The following CLSPN variants were observed in gnomAD, a reference collection of about 807,000 sequenced individuals.
CLSPN encodes the protein claspin.
In CLSPN, 85 loss-of-function variants were observed where a neutral mutation model predicts 156.3. That is an observed-to-expected ratio of 0.54 (90% CI 0.46 to 0.65). The LOEUF is 0.65. Ranked by LOEUF, CLSPN falls within the 30% of genes least tolerant of loss-of-function variation. The probability of loss-of-function intolerance (pLI) is 0.00; values close to 1 mark genes in which losing one functional copy is unlikely to be tolerated. For missense variants in CLSPN, 1,407 were observed against 1,554.9 expected (o/e 0.90, Z 1.60); for synonymous variants, 534 against 542.4 (o/e 0.98, Z 0.22).
At position 35,762,643 on chromosome 1, in the gene CLSPN, GA is replaced by G. The variant is rs534150870; in HGVS notation, c.745-163del. Among the ~76,000 whole-genome samples, 807 of 152,144 alleles carry G rather than the reference GA, an allele frequency of 5.3e-3. 3 individuals carry two copies. The highest frequency in any genetic ancestry group is 6.5e-3 in the Non-Finnish European group (442 of 68,000). On this transcript the variant is annotated intron_variant, in intron 4 of 24. Transcript: ENST00000318121. ...AACACACAGCATCCTATTATGCTTA[GA>G]AAACAGATACCTCAGATGGAGTCTG...
chr1:35,743,918 A>C (rs1202982564), intron 16 of CLSPN, among the ~76,000 whole-genome samples: 1 of 152,220 alleles, frequency 6.6e-6, no homozygotes, highest in Non-Finnish European at 1.5e-5. Flanking sequence ...CACCTCGCCC[A>C]GCCAAATTTA....
At chr1:35,750,636 A>G (rs1024640881) in intron 10 of CLSPN, among the ~76,000 whole-genome samples, 3 of 151,862 alleles carry the variant, frequency 2.0e-5, no homozygotes, top group Admixed American at 6.6e-5. Flanking sequence ...CAGGTGATCC[A>G]CCTACCTCAG....
downstream of CLSPN, among the ~76,000 whole-genome samples, chr1:35,730,341 C>T (rs190631279): frequency 6.6e-6 from 1 of 151,760 alleles, no homozygotes; most frequent in East Asian, 2.0e-4. Context: ...GTCAGGAGTT[C>T]GAGATCAGCC....
intron 18 of CLSPN, among the ~76,000 whole-genome samples, chr1:35,741,536 G>A (rs535585824): frequency 1.7e-4 from 26 of 152,182 alleles, no homozygotes; most frequent in South Asian, 8.3e-4. Context: ...GGCTGGTCTC[G>A]AACTCCTGAC....
intron 22 of CLSPN, chr1:35,737,626 A>G: frequency 3.7e-6 from 2 of 538,136 alleles, no homozygotes; most frequent in South Asian, 2.7e-5. Flanking sequence ...TAAGAAAAAC[A>G]GAAGTGGTCA....
Position 35,749,707 on chromosome 1 carries a change from G to C in CLSPN, c.2133C>G (p.Gly711=). ...AGAGAGACTTGGGAACAGAGAGGAA[G>C]CCAACTGCCTTGCCAATTTCACTAC... ...DGSSEIGKAV[G]FLSVPKSLSS... is the part of the protein sequence containing the mutation. The change falls in exon 11 of 25, where the codon GGC becomes GGG. Residue 711 remains glycine (G), a synonymous_variant. Coordinates refer to ENST00000318121, the MANE Select transcript of CLSPN (RefSeq NM_022111.4). The C allele has an allele frequency of 6.2e-7, 1 of 1,614,132 alleles. No individual in the cohort carries two copies. The highest frequency in any genetic ancestry group is 8.5e-7 in the Non-Finnish European group (1 of 1,180,004).
At chr1:35,738,662 A>T in intron 20 of CLSPN, 80 bp from the exon 21 acceptor site, 2 of 1,396,168 alleles carry the variant, frequency 1.4e-6, no homozygotes, top group Non-Finnish European at 2.0e-6. Flanking sequence ...ATAAACCCTT[A>T]TCATTTACTA....
chr1:35,768,464 G>A (rs1277922681), intron 1 of CLSPN, among the ~76,000 whole-genome samples: 1 of 151,210 alleles, frequency 6.6e-6, no homozygotes, highest in Admixed American at 6.6e-5. Flanking sequence ...CTGGAGTGCA[G>A]TGGCAGGATC....
At chr1:35,759,016 T>C (rs1642386994) in intron 8 of CLSPN, among the ~76,000 whole-genome samples, 1 of 152,210 alleles carries the variant, frequency 6.6e-6, no homozygotes, top group Middle Eastern at 3.2e-3. Flanking sequence ...TAGTTCAGAT[T>C]CAAATCCTGG....
At position 35,760,746 on chromosome 1, in the gene CLSPN, C is replaced by T. The variant is rs776385344; in HGVS notation, c.1175G>A (p.Gly392Glu). The change falls in exon 8 of 25, where the codon GGA (glycine) becomes GAA (glutamate). Residue 392 changes from glycine (G) to glutamate (E), a missense_variant. Physicochemically the swap from Gly to Glu is moderately conservative, Grantham distance 98 (BLOSUM62 -2). Coordinates refer to ENST00000318121, the MANE Select transcript of CLSPN (RefSeq NM_022111.4). ...ATCCTTCCTGCAAGACTCATCTGAT[C>T]CAGTAATGATCTGGGTTTCCTTTGA... is the stretch of plus-strand genomic sequence containing the variant. ...VVSKETQIIT[G>E]SDESCRKDLV... 5.6e-6 allele frequency: 9 copies of T among 1,613,886 alleles called. No homozygotes were observed. Among genetic ancestry groups the T allele is most frequent in the East Asian group, 4.5e-5 (2 of 44,906 alleles).
In CLSPN at chr1:35,734,931, C is replaced by T. The variant is rs1641415543; in HGVS notation, c.*1565G>A. On this transcript the variant is annotated 3_prime_UTR_variant, in exon 25 of 25. Coordinates refer to ENST00000318121, the MANE Select transcript of CLSPN (RefSeq NM_022111.4). ...AACATTTGTCTAAAATTCTGAGAAG[C>T]TTGTGGTAGTTCAGGGAAAATGGAG... 2 of 985,254 alleles carry T rather than the reference C, an allele frequency of 2.0e-6. No individual in the cohort carries two copies. The highest frequency in any genetic ancestry group is 2.4e-6 in the Non-Finnish European group (2 of 829,924). The allele number at this position is 985,254 out of a possible 1,614,324, so 61.0% of individuals were successfully genotyped here.
chr1:35,749,365 G>A (rs1022900720), intron 12 of CLSPN, 102 bp downstream of exon 12: 1 of 1,051,668 alleles, frequency 9.5e-7, no homozygotes, highest in Non-Finnish European at 1.4e-6. Flanking sequence ...ACTGGGAAGT[G>A]ACCAGATTTA....
At chr1:35,753,528 TA>T (rs1642169813) in intron 9 of CLSPN, among the ~76,000 whole-genome samples, 1 of 151,990 alleles carries the variant, frequency 6.6e-6, no homozygotes, top group Non-Finnish European at 1.5e-5. Flanking sequence ...TGGGGTTTTT[TA>T]TAATAAGACA....
chr1:35,745,019 G>T (rs1028386281), intron 16 of CLSPN, among the ~76,000 whole-genome samples: 14 of 152,004 alleles, frequency 9.2e-5, no homozygotes, highest in African/African-American at 3.4e-4. Flanking sequence ...CACCATGTTG[G>T]TCAGGCTGGT....
rs182904711 is a variant in CLSPN at position 35,749,117 on chromosome 1, G to A, written c.2272+350C>T. On this transcript the variant is annotated intron_variant, in intron 12 of 24. Coordinates refer to ENST00000318121, the MANE Select transcript of CLSPN (RefSeq NM_022111.4). Reference sequence around the variant, plus strand: ...TGGGATTACAGGCGTGAGTCACTGCGCCTGGCCGAAAGTTCTCTTCTTTCT... The same window carrying A: ...TGGGATTACAGGCGTGAGTCACTGCACCTGGCCGAAAGTTCTCTTCTTTCT... Among the ~76,000 whole-genome samples, 14 of 152,156 alleles carry A rather than the reference G, an allele frequency of 9.2e-5. No individual in the cohort carries two copies. In the Middle Eastern group the frequency reaches 0.01, roughly 111 times the overall value.
In CLSPN at chr1:35,748,470, C is replaced by T. The variant is rs764015323; in HGVS notation, c.2407G>A (p.Ala803Thr). ...GGGGAAGGAGATCTGAATCCTCCTG[C>T]TGTAGGGAAAAAACTGGTCCCACGG... ...TGRGTSFFPT[A>T]GGFRSPSPGL... is the part of the protein sequence containing the mutation. The change falls in exon 13 of 25, where the codon GCA (alanine) becomes ACA (threonine). Residue 803 changes from alanine (A) to threonine (T), a missense_variant. Ala to Thr is a moderately conservative substitution (Grantham distance 58, BLOSUM62 0). Around this residue, in one of 3 missense-constraint regions of CLSPN, gnomAD observed 1,096 missense variants for 1,193.0 expected, o/e 0.92. Coordinates refer to ENST00000318121, the MANE Select transcript of CLSPN (RefSeq NM_022111.4). The T allele has an allele frequency of 6.2e-7, 1 of 1,614,104 alleles. No individual in the cohort carries two copies. Among genetic ancestry groups the T allele is most frequent in the South Asian group, 1.1e-5 (1 of 91,084 alleles).
chr1:35,731,904 G>A (rs2148609195), downstream of CLSPN, among the ~76,000 whole-genome samples: 1 of 152,230 alleles, frequency 6.6e-6, no homozygotes, highest in Middle Eastern at 3.4e-3. Flanking sequence ...TTCAGAAGTG[G>A]CCTACAATAT....
Position 35,769,887 on chromosome 1 carries a change from G to T in CLSPN, c.-17C>A, listed in dbSNP as rs774781765. The T allele has an allele frequency of 3.7e-6, 6 of 1,609,258 alleles. No homozygotes were observed. The highest frequency in any genetic ancestry group is 1.3e-5 in the African/African-American group (1 of 74,730). ...GCCTGTCATGACTTCTGCCTCCCCT[G>T]CGCTCCACTAGGGACGGAGCTGTCT... is the stretch of plus-strand genomic sequence containing the variant. On this transcript the variant is annotated 5_prime_UTR_variant, in exon 1 of 25. Coordinates refer to ENST00000318121, the MANE Select transcript of CLSPN (RefSeq NM_022111.4).
chr1:35,743,127 T>C lies in CLSPN; in HGVS notation c.3143+14A>G, dbSNP rs746614098. On this transcript the variant is annotated intron_variant, in intron 18 of 24. Coordinates refer to ENST00000318121, the MANE Select transcript of CLSPN (RefSeq NM_022111.4). ...AAATACACCTGAAGGAATGGACATA[T>C]TAATAACACGTACATTTGCCTTTTC... 1 of 1,603,332 alleles carries C rather than the reference T, an allele frequency of 6.2e-7. No homozygotes were observed. The highest frequency in any genetic ancestry group is 1.1e-5 in the South Asian group (1 of 90,840).
Sources: allele counts gnomAD v4.1 joint callset (sites outside exome capture counted in the v4.1 genomes callset), GRCh38; gene constraint gnomAD v4.1.1; regional missense constraint gnomAD v4.1.1; transcripts MANE v1.5; gene names NCBI Gene and HGNC (gene_info 2026-07-23, HGNC 2026-07-21).